Variants in KCNMA1 observed in about 807,000 individuals in gnomAD.
KCNMA1 encodes Calcium-activated potassium channel subunit alpha-1.
In KCNMA1, 29 loss-of-function variants were observed where a neutral mutation model predicts 140.0. The observed-to-expected ratio is 0.21, with a 90% CI of 0.15 to 0.28. The LOEUF (loss-of-function observed/expected upper bound fraction) is 0.28, where lower values mean the gene tolerates loss of function less well. Among genes scored for constraint, KCNMA1 ranks in the 10% least tolerant of loss-of-function variants. KCNMA1 has a pLI of 1.00. For missense variants in KCNMA1, 880 were observed against 1,602.2 expected (o/e 0.55, Z 7.70); for synonymous variants, 612 against 611.9 (o/e 1.00, Z 0.00).
chr10:76,870,901 A>C (rs1305260278), exon 28 of KCNMA1: 1 of 151,912 alleles, frequency 6.6e-6, no homozygotes, highest in African/African-American at 2.4e-5. Context: ...CATCTCCAAC[A>C]CCTTTCATCT....
intron 23 of KCNMA1, among the ~76,000 whole-genome samples, chr10:76,934,388 T>C (rs573991710): frequency 1.3e-5 from 2 of 152,176 alleles, no homozygotes; most frequent in Non-Finnish European, 2.9e-5. Context: ...AGAGAATAGG[T>C]GAAGACAAAA....
At chr10:77,227,864 G>C (rs984491303) in intron 3 of KCNMA1, among the ~76,000 whole-genome samples, 1 of 152,142 alleles carries the variant, frequency 6.6e-6, no homozygotes, top group African/African-American at 2.4e-5. Context: ...CTGTAAGAAG[G>C]GGGTAATACT....
chr10:77,339,647 G>T (rs1375748418), intron 2 of KCNMA1, among the ~76,000 whole-genome samples: 2 of 152,240 alleles, frequency 1.3e-5, no homozygotes, highest in Non-Finnish European at 2.9e-5. Flanking sequence ...GTGGGTTTGG[G>T]CTTAGGCTGG....
chr10:77,582,769 T>C (rs1055334075), intron 1 of KCNMA1, among the ~76,000 whole-genome samples: 18 of 152,222 alleles, frequency 1.2e-4, no homozygotes, highest in Admixed American at 5.9e-4. Flanking sequence ...TTCTTGACCT[T>C]GGTGGTGGAG....
chr10:77,280,479 G>A (rs1601071771), intron 2 of KCNMA1, among the ~76,000 whole-genome samples: 1 of 152,170 alleles, frequency 6.6e-6, no homozygotes, highest in East Asian at 1.9e-4. Context: ...AAATATTACT[G>A]ACCTGTAAGT....
At chr10:77,166,996 A>G (rs1262656273) in intron 5 of KCNMA1, among the ~76,000 whole-genome samples, 1 of 152,160 alleles carries the variant, frequency 6.6e-6, no homozygotes, top group Non-Finnish European at 1.5e-5. Flanking sequence ...TGAAATGTAC[A>G]ATTGATTCAT....
rs191122885 is a variant in KCNMA1 at position 77,573,385 on chromosome 10, C to A, written c.378+63880G>T. On this transcript the variant is annotated intron_variant, in intron 1 of 27. Coordinates refer to ENST00000286628, the MANE Select transcript of KCNMA1 (RefSeq NM_001161352.2). The stretch of plus-strand genomic sequence containing the variant: ...GACCCAGGAAGACTCTTAACAAAGC[C>A]TCAGGTGTAACAGCAGGGGCAGGCT... 4.5e-4 allele frequency among the ~76,000 whole-genome samples: 68 copies of A among 152,216 alleles called. 1 individual carries two copies. The East Asian group carries it at 8.5e-3, about 19-fold the overall frequency.
chr10:76,992,419 G>A (rs1166782024), intron 19 of KCNMA1, among the ~76,000 whole-genome samples: 2 of 152,176 alleles, frequency 1.3e-5, no homozygotes, highest in African/African-American at 4.8e-5. Flanking sequence ...ATTTAGCTCT[G>A]TCCATTTAGA....
chr10:77,358,975 C>T (rs908796498), intron 2 of KCNMA1, among the ~76,000 whole-genome samples: 1 of 152,196 alleles, frequency 6.6e-6, no homozygotes, highest in African/African-American at 2.4e-5. Flanking sequence ...CCTCAGTTTC[C>T]CCTTCATGCT....
At chr10:77,435,810 C>G (rs191615033) in intron 1 of KCNMA1, among the ~76,000 whole-genome samples, 1 of 152,270 alleles carries the variant, frequency 6.6e-6, no homozygotes, top group Admixed American at 6.5e-5. Flanking sequence ...ATCCTATGGT[C>G]TTCGGGTTAC....
At chr10:77,612,785 A>G (rs1228666796) in intron 1 of KCNMA1, among the ~76,000 whole-genome samples, 1 of 151,744 alleles carries the variant, frequency 6.6e-6, no homozygotes, top group Non-Finnish European at 1.5e-5. Flanking sequence ...ATGATTCTCT[A>G]CTCTACCTCC....
chr10:77,300,237 T>TTG (rs2076224184), intron 2 of KCNMA1, among the ~76,000 whole-genome samples: 1 of 152,190 alleles, frequency 6.6e-6, no homozygotes, highest in Non-Finnish European at 1.5e-5. Context: ...GTAAGAGACC[T>TTG]GAGAAAGCAA....
chr10:77,090,462 G>A lies in KCNMA1; in HGVS notation c.1272C>T (p.Phe424=). ...GHITLESVSN[F]LKDFLHKDRD... ...GGTCCTTGTGCAGAAAGTCCTTCAGGAAGTTGGAAACACTCTCCAGAGTGA... is the reference window on the plus strand; with the variant it reads ...GGTCCTTGTGCAGAAAGTCCTTCAGAAAGTTGGAAACACTCTCCAGAGTGA... The change falls in exon 10 of 28, where the codon TTC becomes TTT. Residue 424 remains phenylalanine (F), a synonymous_variant. Coordinates refer to ENST00000286628, the MANE Select transcript of KCNMA1 (RefSeq NM_001161352.2). 6.2e-7 allele frequency: 1 copy of A among 1,614,120 alleles called. No homozygotes were observed. Among genetic ancestry groups the A allele is most frequent in the Non-Finnish European group, 8.5e-7 (1 of 1,179,988 alleles).
chr10:77,372,412 A>G (rs2094801280), intron 2 of KCNMA1, among the ~76,000 whole-genome samples: 1 of 152,246 alleles, frequency 6.6e-6, no homozygotes, highest in African/African-American at 2.4e-5. Flanking sequence ...TCTGCAGTTC[A>G]CCAGGCTGAC....
intron 2 of KCNMA1, among the ~76,000 whole-genome samples, chr10:77,276,483 G>A (rs1396709375): frequency 6.6e-6 from 1 of 152,176 alleles, no homozygotes; most frequent in African/African-American, 2.4e-5. Flanking sequence ...CTTGCTGTGT[G>A]GCCCTGCGGA....
intron 1 of KCNMA1, among the ~76,000 whole-genome samples, chr10:77,515,107 T>C (rs1011351642): frequency 4.6e-5 from 7 of 152,180 alleles, no homozygotes; most frequent in Non-Finnish European, 1.5e-5. Context: ...AGAAGCACAA[T>C]CCTACATGTT....
rs574409772 is a variant in KCNMA1 at position 77,541,072 on chromosome 10, A to G, written c.378+96193T>C. ...ACAGCTTATGAACCAACAAAATTTA[A>G]AAAAAGAAGAAATATGGAACAATTC... On this transcript the variant is annotated intron_variant, in intron 1 of 27. Coordinates refer to ENST00000286628, the MANE Select transcript of KCNMA1 (RefSeq NM_001161352.2). Among the ~76,000 whole-genome samples, 31 of 152,308 alleles carry G rather than the reference A, an allele frequency of 2.0e-4. No homozygotes were observed. In the South Asian group the frequency reaches 4.1e-3, roughly 20 times the overall value.
intron 20 of KCNMA1, among the ~76,000 whole-genome samples, chr10:76,958,524 C>T (rs1268675440): frequency 1.3e-5 from 2 of 152,114 alleles, no homozygotes; most frequent in Non-Finnish European, 2.9e-5. Context: ...GTCTTAACCG[C>T]CGGTACCTCA....
At chr10:77,098,235 T>G (rs568385379) in intron 9 of KCNMA1, among the ~76,000 whole-genome samples, 4 of 152,284 alleles carry the variant, frequency 2.6e-5, no homozygotes, top group African/African-American at 9.6e-5. Flanking sequence ...TTGGTAGATT[T>G]TGCCTGTCCT....
Sources: allele counts gnomAD v4.1 joint callset (sites outside exome capture counted in the v4.1 genomes callset), GRCh38; gene constraint gnomAD v4.1.1; transcripts MANE v1.5; gene names NCBI Gene and HGNC (gene_info 2026-07-23, HGNC 2026-07-21).